The following CD300LG variants were observed in gnomAD, a reference collection of about 807,000 sequenced individuals.
CD300LG encodes CMRF35-like molecule 9.
Under a neutral mutation model 31.5 loss-of-function variants are expected in CD300LG, and 29 were observed. The observed-to-expected ratio is 0.92, with a 90% CI of 0.68 to 1.25. The LOEUF (loss-of-function observed/expected upper bound fraction) is 1.25. Ranked by LOEUF, CD300LG falls within the 50% of genes most tolerant of loss-of-function variation. The pLI is 0.00. For missense variants in CD300LG, 396 were observed against 417.6 expected, an observed-to-expected ratio of 0.95 and a Z score of 0.45; for synonymous variants, 175 against 177.2, an observed-to-expected ratio of 0.99 and a Z score of 0.10.
chr17:43,856,228 C>T (rs1315353152), intron 5 of CD300LG, among the ~76,000 whole-genome samples: 6 of 152,170 alleles, frequency 3.9e-5, no homozygotes, highest in Non-Finnish European at 8.8e-5. Flanking sequence ...GTTTTTCATA[C>T]TGAGCCATCA....
At chr17:43,858,599 A>T in intron 6 of CD300LG, 1 of 985,416 alleles carries the variant, frequency 1.0e-6, no homozygotes, top group Non-Finnish European at 1.2e-6. Context: ...TGAGGGAAAG[A>T]TGGAACAGGG....
At chr17:43,855,402 T>A in intron 5 of CD300LG, 83 bp downstream of exon 5, 1 of 764,270 alleles carries the variant, frequency 1.3e-6, no homozygotes, top group Non-Finnish European at 2.0e-6. Context: ...CATCCAGCCC[T>A]GGAAAGACCC....
At position 43,857,275 on chromosome 17, in the gene CD300LG, C is replaced by T. The variant is rs533833599; in HGVS notation, c.885+119C>T. The T allele has an allele frequency of 4.3e-5, 62 of 1,425,432 alleles. No homozygotes were observed. In the East Asian group the frequency reaches 6.6e-4, roughly 15 times the overall value. 88.3% of individuals were successfully genotyped at this position (1,425,432 alleles called of 1,614,324 possible). A position where few individuals can be genotyped will look rare whatever the true frequency, so the allele number is the denominator to read the frequency against. On this transcript the variant is annotated intron_variant, in intron 6 of 6. Transcript: ENST00000317310. ...TCCTCCTTGCCTGACCTAGAGGCAG[C>T]GCTTGCTCCCCACCTTGGAGGAATG...
At chr17:43,861,137 C>T (rs2046645137) in intron 6 of CD300LG, 1 of 985,298 alleles carries the variant, frequency 1.0e-6, no homozygotes, top group African/African-American at 1.7e-5. Flanking sequence ...GTTACAGCCA[C>T]TGGGGAATGG....
chr17:43,847,578 T>C (rs1479168952), intron 1 of CD300LG, among the ~76,000 whole-genome samples: 1 of 152,228 alleles, frequency 6.6e-6, no homozygotes, highest in Non-Finnish European at 1.5e-5. Context: ...ACACCCCATC[T>C]GGTTGCCCTG....
Position 43,848,862 on chromosome 17 carries a change from G to T in CD300LG, c.348G>T (p.Glu116Asp), listed in dbSNP as rs1265183659. Reference sequence around the variant, plus strand: ...GGGTCGAAAAACGGGGCCCCGATGAGTCTTTACTGATCTCTCTGTTCGTCT... The same window carrying T: ...GGGTCGAAAAACGGGGCCCCGATGATTCTTTACTGATCTCTCTGTTCGTCT... ...WCGVEKRGPDESLLISLFVFP... is the reference protein window; with the variant it reads ...WCGVEKRGPDDSLLISLFVFP... The change falls in exon 2 of 7, where the codon GAG (glutamate) becomes GAT (aspartate). Residue 116 changes from glutamate (E) to aspartate (D), a missense_variant. Transcript: ENST00000317310. 1.9e-6 allele frequency: 3 copies of T among 1,613,338 alleles called. No individual in the cohort carries two copies. The highest frequency in any genetic ancestry group is 2.5e-6 in the Non-Finnish European group (3 of 1,179,562).
At position 43,848,900 on chromosome 17, in the gene CD300LG, G is replaced by T. The variant is rs201215891; in HGVS notation, c.379+7G>T. 5.0e-6 allele frequency: 8 copies of T among 1,603,804 alleles called. No homozygotes were observed. In the East Asian group the frequency reaches 1.8e-4, roughly 36 times the overall value. On this transcript the variant is annotated splice_region_variant and intron_variant, in intron 2 of 6. Transcript: ENST00000317310. The stretch of plus-strand genomic sequence containing the variant: ...TCTCTGTTCGTCTTTCCAGGTAACA[G>T]ATATCTCTCCTTCCCCAGGCTGGGG...
Position 43,853,923 on chromosome 17 carries a change from G to A in CD300LG, c.598G>A (p.Gly200Arg). The A allele has an allele frequency of 6.2e-7, 1 of 1,614,116 alleles. No homozygotes were observed. The highest frequency in any genetic ancestry group is 2.2e-5 in the East Asian group (1 of 44,866). ...YGHERTSQYT[G>R]TSPHPATSPP... ...GCACGAAAGGACTTCTCAGTACACAGGAACCTCTCCTCACCCAGCGACCTC... is the reference window on the plus strand; with the variant it reads ...GCACGAAAGGACTTCTCAGTACACAAGAACCTCTCCTCACCCAGCGACCTC... The change falls in exon 4 of 7, where the codon GGA (glycine) becomes AGA (arginine). Residue 200 changes from glycine to arginine, a missense_variant. Gly to Arg is a moderately radical substitution (Grantham distance 125). Coordinates refer to ENST00000317310, the MANE Select transcript of CD300LG (RefSeq NM_145273.4).
At chr17:43,855,142 C>A in intron 4 of CD300LG, 65 bp from the exon 5 acceptor site, 1 of 1,101,824 alleles carries the variant, frequency 9.1e-7, no homozygotes, top group Non-Finnish European at 1.3e-6. Context: ...GCCTGGGACC[C>A]CCAAAGGACA....
intron 4 of CD300LG, 139 bp from the exon 5 acceptor site, chr17:43,855,067 AC>A (rs1271381878): frequency 9.1e-4 from 91 of 99,650 alleles, no homozygotes; most frequent in African/African-American, 3.4e-3. Flanking sequence ...CCGCACCACC[AC>A]CCCCCACAAG....
At chr17:43,851,802 G>A (rs1241095712) in intron 2 of CD300LG, among the ~76,000 whole-genome samples, 1 of 152,038 alleles carries the variant, frequency 6.6e-6, no homozygotes, top group African/African-American at 2.4e-5. Flanking sequence ...TGAGCTGCCT[G>A]CCTTGGCCTC....
In CD300LG at chr17:43,848,890, C is replaced by G. The variant is rs556684443; in HGVS notation, c.376C>G (p.Pro126Ala). 6.2e-7 allele frequency: 1 copy of G among 1,606,174 alleles called. No homozygotes were observed. The highest frequency in any genetic ancestry group is 1.3e-5 in the African/African-American group (1 of 74,830). ...TTTACTGATCTCTCTGTTCGTCTTT[C>G]CAGGTAACAGATATCTCTCCTTCCC... ...ESLLISLFVFPGPCCPPSPSP... is the reference protein window; with the variant it reads ...ESLLISLFVFAGPCCPPSPSP... Residue 126 changes from proline to alanine, a missense_variant, in exon 2 of 7, where the codon CCA becomes GCA. Coordinates refer to ENST00000317310, the MANE Select transcript of CD300LG (RefSeq NM_145273.4).
At chr17:43,852,888 G>C (rs543358805) in intron 2 of CD300LG, 24 bp from the exon 3 acceptor site, 1 of 1,587,820 alleles carries the variant, frequency 6.3e-7, no homozygotes, top group East Asian at 2.3e-5. Context: ...CCACCCCTGA[G>C]AGCAGCCTTT....
chr17:43,857,960 G>A (rs996643317), intron 6 of CD300LG: 3 of 1,524,260 alleles, frequency 2.0e-6, no homozygotes, highest in Non-Finnish European at 2.6e-6. Flanking sequence ...GCTGCAAGAA[G>A]AGACTGTGCC....
chr17:43,857,343 A>T, intron 6 of CD300LG, 187 bp downstream of exon 6: 1 of 1,506,256 alleles, frequency 6.6e-7, no homozygotes, highest in South Asian at 1.2e-5. Flanking sequence ...TGAGCCGGAC[A>T]CAGTGCCCAT....
At chr17:43,861,729 G>T (rs2046656758) in intron 6 of CD300LG, 69 bp from the exon 7 acceptor site, 4 of 1,040,056 alleles carry the variant, frequency 3.8e-6, no homozygotes, top group Non-Finnish European at 5.5e-6. Flanking sequence ...GCTACCTGGG[G>T]ACCACCCCTC....
chr17:43,857,570 G>A (rs903239553), intron 6 of CD300LG: 2 of 1,300,080 alleles, frequency 1.5e-6, no homozygotes, highest in Non-Finnish European at 2.1e-6. Flanking sequence ...AGGGGTCAGG[G>A]AGCTGTTAGA....
chr17:43,862,060 T>C lies in CD300LG; in HGVS notation c.*149T>C, dbSNP rs1325026250. On this transcript the variant is annotated 3_prime_UTR_variant, in exon 7 of 7. Coordinates refer to ENST00000317310, the MANE Select transcript of CD300LG (RefSeq NM_145273.4). The stretch of plus-strand genomic sequence containing the variant: ...ACCCTCCCCAGGCTCTCCTCTTGCA[T>C]GTTCCAGCCTGACCTAGAAGCGTTT... 1.8e-6 allele frequency: 1 copy of C among 544,138 alleles called. No homozygotes were observed. Among genetic ancestry groups the C allele is most frequent in the African/African-American group, 1.9e-5 (1 of 51,680 alleles). The allele number at this position is 544,138 out of a possible 1,614,324, so 33.7% of individuals were successfully genotyped here. A position where few individuals can be genotyped will look rare whatever the true frequency, so the allele number is the denominator to read the frequency against.
intron 6 of CD300LG, 141 bp downstream of exon 6, chr17:43,857,297 A>G (rs2046551509): frequency 2.1e-6 from 3 of 1,434,340 alleles, no homozygotes; most frequent in Non-Finnish European, 2.9e-6. Flanking sequence ...ACCTTGGAGG[A>G]ATGTGTGTGA....
Sources: gnomAD v4.1 joint callset for allele counts (sites outside exome capture counted in the v4.1 genomes callset) on GRCh38, gnomAD v4.1.1 for gene constraint, MANE v1.5 for transcripts, NCBI Gene and HGNC (gene_info 2026-07-23, HGNC 2026-07-21) for gene names.